AK1: variants seen among roughly 807,000 people sequenced by gnomAD.
The protein encoded by AK1 is adenylate kinase 1.
AK1 carries 13 observed loss-of-function variants against 23.9 expected under a neutral mutation model. That is an observed-to-expected ratio of 0.54 (90% CI 0.35 to 0.86). The LOEUF (loss-of-function observed/expected upper bound fraction) is 0.86, where lower values mean the gene tolerates loss of function less well. Among genes scored for constraint, AK1 ranks in the 40% least tolerant of loss-of-function variants. AK1 has a pLI of 0.01. For synonymous variants in AK1, 97 were observed against 102.8 expected, an observed-to-expected ratio of 0.94 and a Z score of 0.34; for missense variants, 214 against 255.1, an observed-to-expected ratio of 0.84 and a Z score of 1.10.
rs2131385821 is a variant in AK1 at position 127,866,509 on chromosome 9, T to A, written c.*1499A>T. 6.6e-6 allele frequency: 1 copy of A among 152,388 alleles called. No individual in the cohort carries two copies. The highest frequency in any genetic ancestry group is 1.5e-5 in the Non-Finnish European group (1 of 68,038). The allele number at this position is 152,388 out of a possible 1,614,324, so 9.4% of individuals were successfully genotyped here. On this transcript the variant is annotated 3_prime_UTR_variant, in exon 7 of 7. Coordinates refer to ENST00000644144, the MANE Select transcript of AK1 (RefSeq NM_000476.3). ...CCTTTTATAACTTAAAATCGTTTAT[T>A]TTAAAGGAAACTTTAAATAACCAAT...
chr9:127,878,686 C>T (rs1488144629), upstream of AK1, among the ~76,000 whole-genome samples: 1 of 152,162 alleles, frequency 6.6e-6, no homozygotes, highest in Non-Finnish European at 1.5e-5. Flanking sequence ...GAGATTGAGA[C>T]CACCTTCAGT....
rs1002178492 is a variant in AK1, at chr9:127,875,054, G to A, written c.-32-405C>T. On this transcript the variant is annotated intron_variant, in intron 1 of 6. Coordinates refer to ENST00000644144, the MANE Select transcript of AK1 (RefSeq NM_000476.3). ...GCGTCTGCCCAGACACCTTGACAAC[G>A]CTCCCCAGGGCCAGAGGGAAGCTGC... 2.8e-5 allele frequency: 7 copies of A among 247,502 alleles called. No individual in the cohort carries two copies. In the South Asian group the frequency reaches 3.6e-4, roughly 13 times the overall value. The allele number at this position is 247,502 out of a possible 1,614,324, so 15.3% of individuals were successfully genotyped here. A position where few individuals can be genotyped will look rare whatever the true frequency, so the allele number is the denominator to read the frequency against.
intron 4 of AK1, 139 bp downstream of exon 4, chr9:127,872,551 A>C: frequency 1.7e-6 from 2 of 1,161,714 alleles, no homozygotes; most frequent in Admixed American, 2.0e-5. Context: ...GTCCAGGGCA[A>C]TGGGGAACCA....
chr9:127,870,869 A>G (rs2131398659), intron 5 of AK1, among the ~76,000 whole-genome samples: 1 of 151,916 alleles, frequency 6.6e-6, no homozygotes, highest in Non-Finnish European at 1.5e-5. Flanking sequence ...GCCCCAGCCC[A>G]CCAGGATGCT....
Position 127,872,191 on chromosome 9 carries a change from G to A in AK1, c.208-252C>T, listed in dbSNP as rs146485385. 1.6e-4 allele frequency among the ~76,000 whole-genome samples: 24 copies of A among 152,266 alleles called. No homozygotes were observed. The East Asian group carries it at 4.1e-3, about 26-fold the overall frequency. On this transcript the variant is annotated intron_variant, in intron 4 of 6. Transcript: ENST00000644144. ...CCAGCCAGGTGCTGTCCTGGGTCCCGAGGACACGGCCATGGACCAATTAGG... is the reference window on the plus strand; with the variant it reads ...CCAGCCAGGTGCTGTCCTGGGTCCCAAGGACACGGCCATGGACCAATTAGG...
intron 2 of AK1, chr9:127,873,657 C>G (rs1006581601): frequency 1.4e-6 from 2 of 1,390,614 alleles, no homozygotes; most frequent in Non-Finnish European, 1.9e-6. Flanking sequence ...CTGTCTCGTC[C>G]CGCCTGCTGT....
At chr9:127,872,636 C>A in intron 4 of AK1, 54 bp downstream of exon 4, 8 of 1,609,542 alleles carry the variant, frequency 5.0e-6, no homozygotes, top group Non-Finnish European at 6.8e-6. Flanking sequence ...TGGTGGGACA[C>A]CCACTCAGGG....
Position 127,868,416 on chromosome 9 carries a change from C to T in AK1, c.421G>A (p.Asp141Asn), listed in dbSNP as rs761271981. 7.4e-6 allele frequency: 12 copies of T among 1,612,270 alleles called. No homozygotes were observed. Among genetic ancestry groups the T allele is most frequent in the Middle Eastern group, 3.3e-4 (2 of 6,030 alleles). Residue 141 changes from aspartate to asparagine, a missense_variant, in exon 6 of 7, where the codon GAC becomes AAC. Coordinates refer to ENST00000644144, the MANE Select transcript of AK1 (RefSeq NM_000476.3). This position sits in a 1 kb window ranked among gnomAD's most constrained non-coding sequence, Gnocchi z 4.1. Reference protein sequence around the residue: ...KRGETSGRVDDNEETIKKRLE... With the variant: ...KRGETSGRVDNNEETIKKRLE... ...CGCTTTTTGATGGTCTCCTCATTGT[C>T]GTCCACACGCCCGCTGGTCTCTCCA... is the stretch of plus-strand genomic sequence containing the variant.
Position 127,877,314 on chromosome 9 carries a change from G to A in AK1, c.-33+309C>T, listed in dbSNP as rs1346202955. ...TGGGCCCAAGCTGGGACATGCCAAG[G>A]GCAGTGACCTGGAGCCCCGGGAGTG... On this transcript the variant is annotated intron_variant, in intron 1 of 6. Transcript: ENST00000644144. The surrounding 1 kb of genome is among the most constrained non-coding windows in gnomAD (Gnocchi z 5.2). Among the ~76,000 whole-genome samples, 1 of 152,122 alleles carries A rather than the reference G, an allele frequency of 6.6e-6. No homozygotes were observed. Among genetic ancestry groups the A allele is most frequent in the Non-Finnish European group, 1.5e-5 (1 of 68,008 alleles).
rs1336731351 is a variant in AK1 at position 127,870,017 on chromosome 9, T to C, written c.325-1505A>G. On this transcript the variant is annotated intron_variant, in intron 5 of 6. Transcript: ENST00000644144. ...GGCACTGCCAGTCTCCAGAAAAGCT[T>C]TGGGTGTGAGCCGGCCACACTTCCA... 3.9e-5 allele frequency among the ~76,000 whole-genome samples: 6 copies of C among 152,074 alleles called. 1 individual carries two copies. Among genetic ancestry groups the C allele is most frequent in the Admixed American group, 3.9e-4 (6 of 15,280 alleles).
At position 127,867,542 on chromosome 9, in the gene AK1, T is replaced by C. The variant is rs1829274586; in HGVS notation, c.*466A>G. On this transcript the variant is annotated 3_prime_UTR_variant, in exon 7 of 7. Transcript: ENST00000644144. The stretch of plus-strand genomic sequence containing the variant: ...GGCATGGAACATATGCTCAGAGCGA[T>C]GGGGGTCAGGGCCAAGGCCACAGAG... 3 of 212,922 alleles carry C rather than the reference T, an allele frequency of 1.4e-5. No homozygotes were observed. In the South Asian group the frequency reaches 2.3e-4, roughly 16 times the overall value. 13.2% of individuals were successfully genotyped at this position (212,922 alleles called of 1,614,324 possible). A position where few individuals can be genotyped will look rare whatever the true frequency, so the allele number is the denominator to read the frequency against.
At chr9:127,873,113 C>T in intron 2 of AK1, 52 bp from the exon 3 acceptor site, 2 of 1,596,856 alleles carry the variant, frequency 1.3e-6, no homozygotes. Context: ...GACCCACAGC[C>T]AGAGGCACCT....
chr9:127,874,917 T>C (rs1388497639), intron 1 of AK1: 3 of 479,354 alleles, frequency 6.3e-6, no homozygotes, highest in African/African-American at 3.9e-5. Context: ...TCCACCTGGG[T>C]TCCCGCTGGA....
Position 127,874,599 on chromosome 9 carries a change from G to A in AK1, c.7+12C>T, listed in dbSNP as rs1171374211. ...GGCCCAGGCAATGGGCAAAAGGAGA[G>A]GAGGCTCATACCTTCCATCCTGCCG... On this transcript the variant is annotated intron_variant, in intron 2 of 6. Transcript: ENST00000644144. 2.5e-6 allele frequency: 4 copies of A among 1,613,504 alleles called. No homozygotes were observed. Among genetic ancestry groups the A allele is most frequent in the Non-Finnish European group, 2.5e-6 (3 of 1,179,936 alleles).
chr9:127,866,766 T>C lies in AK1; in HGVS notation c.*1242A>G, dbSNP rs1829257392. ...GGGATTCTGGGGTGTCCCCAAGTCA[T>C]CCGGGGCCCCGCACGCTTCGGGCCA... On this transcript the variant is annotated 3_prime_UTR_variant, in exon 7 of 7. Coordinates refer to ENST00000644144, the MANE Select transcript of AK1 (RefSeq NM_000476.3). 1 of 152,172 alleles carries C rather than the reference T, an allele frequency of 6.6e-6. No individual in the cohort carries two copies. Among genetic ancestry groups the C allele is most frequent in the South Asian group, 2.1e-4 (1 of 4,826 alleles). 9.4% of individuals were successfully genotyped at this position (152,172 alleles called of 1,614,324 possible).
chr9:127,872,938 G>A lies in AK1; in HGVS notation c.44-85C>T, dbSNP rs1829450003. The A allele has an allele frequency of 4.3e-6, 7 of 1,613,114 alleles. No individual in the cohort carries two copies. The Admixed American group carries it at 8.3e-5, about 19-fold the overall frequency. Reference sequence around the variant, plus strand: ...TGCCAGGGTCTCCCAGAGAGGGAGGGGCAGAGCCCAGGGTGCAGCCCCAGG... The same window carrying A: ...TGCCAGGGTCTCCCAGAGAGGGAGGAGCAGAGCCCAGGGTGCAGCCCCAGG... On this transcript the variant is annotated intron_variant, in intron 3 of 6. Transcript: ENST00000644144.
In AK1 at chr9:127,876,050, G is replaced by T. The variant is rs548988551; in HGVS notation, c.-32-1401C>A. On this transcript the variant is annotated intron_variant, in intron 1 of 6. Transcript: ENST00000644144. Reference sequence around the variant, plus strand: ...CCTGGGCCCCTTGACATAGTGGATAGGTCCCGGTGAGCTGACCTCTGCTGC... The same window carrying T: ...CCTGGGCCCCTTGACATAGTGGATATGTCCCGGTGAGCTGACCTCTGCTGC... Among the ~76,000 whole-genome samples the T allele has an allele frequency of 1.8e-4, 27 of 152,312 alleles. No homozygotes were observed. The South Asian group carries it at 3.7e-3, about 21-fold the overall frequency.
At position 127,868,550 on chromosome 9, in the gene AK1, G is replaced by A. The variant is rs902504466; in HGVS notation, c.325-38C>T. The A allele has an allele frequency of 3.4e-5, 53 of 1,549,342 alleles. No individual in the cohort carries two copies. The highest frequency in any genetic ancestry group is 2.3e-4 in the Admixed American group (12 of 51,256). On this transcript the variant is annotated intron_variant, in intron 5 of 6. Transcript: ENST00000644144. The surrounding 1 kb of genome is among the most constrained non-coding windows in gnomAD (Gnocchi z 4.1). ...ACCATGTCACAGGGACCCCATTCCTGCCCCCTAGGGCCATCTCCTCCCCAT... is the reference window on the plus strand; with the variant it reads ...ACCATGTCACAGGGACCCCATTCCTACCCCCTAGGGCCATCTCCTCCCCAT...
intron 5 of AK1, among the ~76,000 whole-genome samples, chr9:127,870,470 A>G (rs939683453): frequency 6.6e-6 from 1 of 152,044 alleles, no homozygotes; most frequent in African/African-American, 2.4e-5. Flanking sequence ...AAGTGCTAGG[A>G]TCTCAGGCGT....
Sources: gnomAD v4.1 joint callset for allele counts (sites outside exome capture counted in the v4.1 genomes callset) on GRCh38, gnomAD v4.1.1 for gene constraint, Gnocchi (gnomAD v3.1) non-coding constraint, MANE v1.5 for transcripts, NCBI Gene and HGNC (gene_info 2026-07-23, HGNC 2026-07-21) for gene names.